Variants in CAV1 observed in about 807,000 individuals in gnomAD.
The protein encoded by CAV1 is caveolin-1.
Under a neutral mutation model 16.5 loss-of-function variants are expected in CAV1, and 10 were observed. That is an observed-to-expected ratio of 0.61 (90% CI 0.37 to 1.03). CAV1 has a LOEUF of 1.03. Among genes scored for constraint, CAV1 ranks in the 50% least tolerant of loss-of-function variants. The pLI, the probability that CAV1 is intolerant of heterozygous loss-of-function variation, is 0.01. For missense variants in CAV1, 212 were observed against 232.8 expected (o/e 0.91, Z 0.58); for synonymous variants, 76 against 85.1 (o/e 0.89, Z 0.59).
intron 1 of CAV1, chr7:116,525,940 T>C: frequency 1.6e-6 from 1 of 642,196 alleles, no homozygotes; most frequent in Non-Finnish European, 1.9e-6. Flanking sequence ...CGAGGCAGGG[T>C]GGGGGGCGCG....
intron 2 of CAV1, among the ~76,000 whole-genome samples, chr7:116,537,038 T>G (rs1793834134): frequency 6.8e-6 from 1 of 146,642 alleles, no homozygotes; most frequent in East Asian, 2.0e-4. Flanking sequence ...AAAAAGCCAT[T>G]AAAAAGGGAG....
At chr7:116,530,192 T>C (rs1327437800) in intron 2 of CAV1, among the ~76,000 whole-genome samples, 1 of 138,722 alleles carries the variant, frequency 7.2e-6, no homozygotes, top group Non-Finnish European at 1.6e-5. Flanking sequence ...ACATGGAAAC[T>C]GATTGGTCCT....
intron 2 of CAV1, among the ~76,000 whole-genome samples, chr7:116,545,344 G>A (rs1223410652): frequency 6.6e-6 from 1 of 152,188 alleles, no homozygotes; most frequent in Non-Finnish European, 1.5e-5. Flanking sequence ...TGTCCAGGTA[G>A]AAAAACCCTG....
intron 2 of CAV1, among the ~76,000 whole-genome samples, chr7:116,556,909 T>A (rs1375117272): frequency 6.6e-6 from 1 of 152,168 alleles, no homozygotes; most frequent in Non-Finnish European, 1.5e-5. Context: ...AACAAAGACA[T>A]CTTTAAAAAA....
chr7:116,537,381 A>G lies in CAV1; in HGVS notation c.195+10692A>G, dbSNP rs1793844531. Among the ~76,000 whole-genome samples, 2 of 152,116 alleles carry G rather than the reference A, an allele frequency of 1.3e-5. 1 individual carries two copies. The highest frequency in any genetic ancestry group is 4.1e-4 in the South Asian group (2 of 4,828). The stretch of plus-strand genomic sequence containing the variant: ...AGACAGGAGATGGGGTGCTTCTTCC[A>G]GCACTCCCTATAGGCTGACTGAGTG... On this transcript the variant is annotated intron_variant, in intron 2 of 2. Coordinates refer to ENST00000341049, the MANE Select transcript of CAV1 (RefSeq NM_001753.5).
In CAV1 at chr7:116,555,542, G is replaced by GAGAGAGAAAGAAAGAA. The variant is rs1478856618; in HGVS notation, c.196-3401_196-3400insGAGAAAGAAAGAAAGA. Among the ~76,000 whole-genome samples the GAGAGAGAAAGAAAGAA allele has an allele frequency of 2.0e-3, 24 of 12,144 alleles. 1 individual carries two copies. The highest frequency in any genetic ancestry group is 0.011 in the Admixed American group (9 of 836). The allele number at this position is 12,144 out of a possible 152,430, so 8.0% of individuals were successfully genotyped here. On this transcript the variant is annotated intron_variant, in intron 2 of 2. Transcript: ENST00000341049. ...AAAGAGAGAGAGAGAGAGAGAGAGA[G>GAGAGAGAAAGAAAGAA]AGAAAGAAAGAAAGAAAGAAAGAAA...
intron 2 of CAV1, among the ~76,000 whole-genome samples, chr7:116,537,057 CTTG>C (rs1432179636): frequency 1.4e-5 from 2 of 148,076 alleles, no homozygotes; most frequent in Admixed American, 1.3e-4. Flanking sequence ...AGTCATGTCT[CTTG>C]TTGGTCATTA....
chr7:116,530,292 T>G (rs1285983300), intron 2 of CAV1, among the ~76,000 whole-genome samples: 4 of 149,986 alleles, frequency 2.7e-5, no homozygotes, highest in Non-Finnish European at 4.4e-5. Flanking sequence ...TGTTCCCACA[T>G]ATGGTTCTGT....
In CAV1 at chr7:116,530,236, G is replaced by A. The variant is rs143186658; in HGVS notation, c.195+3547G>A. ...TTTTTTTTTTTGCCTTGACTGCCAGGAAGCAGTTTCAAATCTATAGCTGGA... is the reference window on the plus strand; with the variant it reads ...TTTTTTTTTTTGCCTTGACTGCCAGAAAGCAGTTTCAAATCTATAGCTGGA... On this transcript the variant is annotated intron_variant, in intron 2 of 2. Coordinates refer to ENST00000341049, the MANE Select transcript of CAV1 (RefSeq NM_001753.5). Among the ~76,000 whole-genome samples the A allele has an allele frequency of 9.1e-3, 760 of 83,208 alleles. 4 individuals are homozygous for A. Among genetic ancestry groups the A allele is most frequent in the African/African-American group, 0.026 (497 of 19,296 alleles). The allele number at this position is 83,208 out of a possible 152,430, so 54.6% of individuals were successfully genotyped here.
intron 2 of CAV1, among the ~76,000 whole-genome samples, chr7:116,550,656 C>G (rs1794141541): frequency 6.6e-6 from 1 of 152,192 alleles, no homozygotes; most frequent in African/African-American, 2.4e-5. Flanking sequence ...AAAGGAAGCT[C>G]AACGTGTTAA....
rs1381136122 is a variant in CAV1 at position 116,525,282 on chromosome 7, G to A, written c.30+190G>A. 6 of 1,567,674 alleles carry A rather than the reference G, an allele frequency of 3.8e-6. No homozygotes were observed. The Admixed American group carries it at 1.2e-4, about 30-fold the overall frequency. On this transcript the variant is annotated intron_variant, in intron 1 of 2. Transcript: ENST00000341049. ...TGAAGAGAAGCCAGGAATGTTTTAT[G>A]TTTTCCTAATGGAGAGGGGGCCTAG...
rs3030806 is a variant in CAV1 at position 116,530,208 on chromosome 7, C to CTTTTTTTTTTTTTTTTTTT, written c.195+3532_195+3533insTTTTTTTTTTTTTTTTTTT. Among the ~76,000 whole-genome samples the CTTTTTTTTTTTTTTTTTTT allele has an allele frequency of 4.5e-4, 57 of 125,350 alleles. 1 individual carries two copies. Among genetic ancestry groups the CTTTTTTTTTTTTTTTTTTT allele is most frequent in the African/African-American group, 7.7e-4 (24 of 31,154 alleles). The allele number at this position is 125,350 out of a possible 152,430, so 82.2% of individuals were successfully genotyped here. A position where few individuals can be genotyped will look rare whatever the true frequency, so the allele number is the denominator to read the frequency against. The stretch of plus-strand genomic sequence containing the variant: ...CATGGAAACTGATTGGTCCTTTTTC[C>CTTTTTTTTTTTTTTTTTTT]TTTTTTTTTTTTTGCCTTGACTGCC... On this transcript the variant is annotated intron_variant, in intron 2 of 2. Transcript: ENST00000341049.
chr7:116,559,202 A>G lies in CAV1; in HGVS notation c.452A>G (p.Tyr151Cys). 6.2e-7 allele frequency: 1 copy of G among 1,613,962 alleles called. No individual in the cohort carries two copies. Among genetic ancestry groups the G allele is most frequent in the Non-Finnish European group, 8.5e-7 (1 of 1,179,894 alleles). ...IQCISRVYSI[Y>C]VHTVCDPLFE... ...TGCATCAGCCGTGTCTATTCCATCT[A>G]CGTCCACACCGTCTGTGACCCACTC... The change falls in exon 3 of 3, where the codon TAC (tyrosine) becomes TGC (cysteine). Residue 151 changes from tyrosine (Y) to cysteine (C), a missense_variant. Transcript: ENST00000341049.
At chr7:116,543,641 T>C (rs1793982590) in intron 2 of CAV1, among the ~76,000 whole-genome samples, 1 of 152,214 alleles carries the variant, frequency 6.6e-6, no homozygotes, top group Non-Finnish European at 1.5e-5. Context: ...TTGTTTTGTT[T>C]TGTTTTTGCA....
chr7:116,541,410 A>T (rs933649205), intron 2 of CAV1, among the ~76,000 whole-genome samples: 1 of 152,170 alleles, frequency 6.6e-6, no homozygotes, highest in African/African-American at 2.4e-5. Context: ...ACCATTCAAG[A>T]TAAGAAATAA....
At chr7:116,549,101 A>G (rs545013128) in intron 2 of CAV1, among the ~76,000 whole-genome samples, 1 of 152,196 alleles carries the variant, frequency 6.6e-6, no homozygotes, top group Non-Finnish European at 1.5e-5. Flanking sequence ...AGACACGCAC[A>G]TACACAGACC....
intron 2 of CAV1, among the ~76,000 whole-genome samples, chr7:116,545,507 A>T (rs1235642265): frequency 6.6e-6 from 1 of 152,242 alleles, no homozygotes; most frequent in Non-Finnish European, 1.5e-5. Context: ...AAACCTGCAG[A>T]GATTTATTTC....
At chr7:116,530,922 G>A (rs376737522) in intron 2 of CAV1, among the ~76,000 whole-genome samples, 2 of 152,322 alleles carry the variant, frequency 1.3e-5, no homozygotes, top group African/African-American at 4.8e-5. Flanking sequence ...GTAATGAAAA[G>A]TAGCCAGTCT....
intron 2 of CAV1, among the ~76,000 whole-genome samples, chr7:116,558,408 C>T (rs966756839): frequency 2.0e-5 from 3 of 151,724 alleles, no homozygotes; most frequent in African/African-American, 7.3e-5. Context: ...TTAAAAATAT[C>T]CTGGGTTCCA....
Sources: allele counts gnomAD v4.1 joint callset (sites outside exome capture counted in the v4.1 genomes callset), GRCh38; gene constraint gnomAD v4.1.1; transcripts MANE v1.5; gene names NCBI Gene and HGNC (gene_info 2026-07-23, HGNC 2026-07-21).